ATP2B4: variants seen among roughly 807,000 people sequenced by gnomAD.
ATP2B4 encodes the protein ATPase plasma membrane Ca2+ transporting 4, also known as plasma membrane calcium-transporting ATPase 4.
In ATP2B4, 39 loss-of-function variants were observed where a neutral mutation model predicts 110.3. That is an observed-to-expected ratio of 0.35 (90% CI 0.27 to 0.46). The LOEUF (loss-of-function observed/expected upper bound fraction) is 0.46. Ranked by LOEUF, ATP2B4 falls within the 20% of genes least tolerant of loss-of-function variation. The pLI is 1.00. For synonymous variants in ATP2B4, 538 were observed against 571.7 expected, an observed-to-expected ratio of 0.94 and a Z score of 0.84; for missense variants, 1,135 against 1,530.9, an observed-to-expected ratio of 0.74 and a Z score of 4.32.
intron 1 of ATP2B4, among the ~76,000 whole-genome samples, chr1:203,681,713 G>C (rs544257607): frequency 6.6e-6 from 1 of 152,064 alleles, no homozygotes. Context: ...GCATCTTTCT[G>C]AGGGGAGAAA....
intron 8 of ATP2B4, 107 bp downstream of exon 8, chr1:203,703,920 A>G: frequency 7.1e-7 from 1 of 1,400,220 alleles, no homozygotes; most frequent in Non-Finnish European, 9.6e-7. Flanking sequence ...AGAAGCTGAA[A>G]CTTCAGGGTG....
At chr1:203,678,227 A>G (rs1300720338) in intron 1 of ATP2B4, among the ~76,000 whole-genome samples, 1 of 152,200 alleles carries the variant, frequency 6.6e-6, no homozygotes, top group Non-Finnish European at 1.5e-5. Context: ...TATACAAGGT[A>G]TCACTCTTTT....
intron 1 of ATP2B4, among the ~76,000 whole-genome samples, chr1:203,633,947 G>C (rs933565474): frequency 6.6e-6 from 1 of 152,098 alleles, no homozygotes; most frequent in Non-Finnish European, 1.5e-5. Flanking sequence ...CTACTCGGGA[G>C]GCTGAGGCAG....
chr1:203,689,313 G>A (rs934329435), intron 2 of ATP2B4, among the ~76,000 whole-genome samples: 11 of 152,218 alleles, frequency 7.2e-5, no homozygotes, highest in East Asian at 3.8e-4. Context: ...GAGGTTATAC[G>A]TGTTCTTTTT....
intron 1 of ATP2B4, among the ~76,000 whole-genome samples, chr1:203,678,655 C>T (rs1416474984): frequency 4.6e-5 from 7 of 152,154 alleles, no homozygotes; most frequent in Non-Finnish European, 1.5e-5. Context: ...TCTCCCGCCT[C>T]AGCCTTCCAA....
chr1:203,660,935 C>A (rs929938916), intron 1 of ATP2B4, among the ~76,000 whole-genome samples: 2 of 151,822 alleles, frequency 1.3e-5, no homozygotes, highest in African/African-American at 4.8e-5. Context: ...CATGGTGAAA[C>A]CCTGTCTCTA....
At chr1:203,647,518 G>C (rs1233881434) in intron 1 of ATP2B4, among the ~76,000 whole-genome samples, 1 of 152,108 alleles carries the variant, frequency 6.6e-6, no homozygotes, top group Non-Finnish European at 1.5e-5. Context: ...CCAACACTTT[G>C]GGAGGCAAAG....
In ATP2B4 at chr1:203,708,069, A is replaced by T; in HGVS notation, c.1522A>T (p.Ile508Phe). 2 of 1,614,166 alleles carry T rather than the reference A, an allele frequency of 1.2e-6. No individual in the cohort carries two copies. Among genetic ancestry groups the T allele is most frequent in the South Asian group, 2.2e-5 (2 of 91,080 alleles). Residue 508 changes from isoleucine (I) to phenylalanine (F), a missense_variant, in exon 10 of 21, where the codon ATT (isoleucine) becomes TTT (phenylalanine). Ile to Phe is a conservative substitution (Grantham distance 21). Around this residue, in one of 9 missense-constraint regions of ATP2B4, gnomAD observed 368 missense variants for 455.9 expected, o/e 0.81. Coordinates refer to ENST00000357681, the MANE Select transcript of ATP2B4 (RefSeq NM_001684.5). Reference protein sequence around the residue: ...PKVLDLIVNGISINSAYTSKI... With the variant: ...PKVLDLIVNGFSINSAYTSKI... ...AGTCCTGGACCTCATTGTCAATGGC[A>T]TTTCTATCAACAGTGCTTATACCTC...
intron 13 of ATP2B4, among the ~76,000 whole-genome samples, chr1:203,712,613 G>T (rs997807787): frequency 6.6e-5 from 10 of 151,452 alleles, no homozygotes; most frequent in Non-Finnish European, 1.5e-4. Flanking sequence ...AAAAAGAGGG[G>T]GGGAGTTGCT....
At chr1:203,731,077 A>G (rs1666694111) in intron 20 of ATP2B4, among the ~76,000 whole-genome samples, 1 of 152,182 alleles carries the variant, frequency 6.6e-6, no homozygotes, top group Non-Finnish European at 1.5e-5. Context: ...TTGTAACTCC[A>G]ATAAGCACTG....
chr1:203,688,030 T>C (rs1261519282), intron 2 of ATP2B4, among the ~76,000 whole-genome samples: 1 of 146,222 alleles, frequency 6.8e-6, no homozygotes, highest in Non-Finnish European at 1.5e-5. Context: ...TTATTATTAT[T>C]ATTATTATTT....
chr1:203,663,824 A>C (rs1664421626), intron 1 of ATP2B4, among the ~76,000 whole-genome samples: 1 of 151,984 alleles, frequency 6.6e-6, no homozygotes, highest in African/African-American at 2.4e-5. Context: ...GGCTGGTCTC[A>C]AACTCCTGGC....
At chr1:203,650,479 C>A (rs1663948920) in intron 1 of ATP2B4, among the ~76,000 whole-genome samples, 1 of 152,156 alleles carries the variant, frequency 6.6e-6, no homozygotes, top group Non-Finnish European at 1.5e-5. Flanking sequence ...GGAGTCGGCC[C>A]GCCTTATTTG....
At position 203,659,112 on chromosome 1, in the gene ATP2B4, G is replaced by A. The variant is rs978712474; in HGVS notation, c.-464-23630G>A. Among the ~76,000 whole-genome samples, 6 of 152,198 alleles carry A rather than the reference G, an allele frequency of 3.9e-5. No homozygotes were observed. The East Asian group carries it at 9.6e-4, about 24-fold the overall frequency. On this transcript the variant is annotated intron_variant, in intron 1 of 20. Coordinates refer to ENST00000357681, the MANE Select transcript of ATP2B4 (RefSeq NM_001684.5). Reference sequence around the variant, plus strand: ...GATATTGCTTATTAGAAGTCTTTATGTTAAGATTTCTAGGCTAATACTAAA... The same window carrying A: ...GATATTGCTTATTAGAAGTCTTTATATTAAGATTTCTAGGCTAATACTAAA...
chr1:203,735,494 C>T (rs1666855937), intron 20 of ATP2B4, among the ~76,000 whole-genome samples: 1 of 152,130 alleles, frequency 6.6e-6, no homozygotes, highest in African/African-American at 2.4e-5. Flanking sequence ...ACCTCACCAC[C>T]CCCCACCCCG....
At chr1:203,648,845 C>T (rs1663892680) in intron 1 of ATP2B4, among the ~76,000 whole-genome samples, 1 of 152,186 alleles carries the variant, frequency 6.6e-6, no homozygotes, top group East Asian at 1.9e-4. Flanking sequence ...GAGAGTTTTT[C>T]ATCATTACAT....
intron 1 of ATP2B4, among the ~76,000 whole-genome samples, chr1:203,652,902 T>C (rs1664041250): frequency 6.6e-6 from 1 of 152,172 alleles, no homozygotes; most frequent in South Asian, 2.1e-4. Flanking sequence ...TTAATAACCC[T>C]ACAATGGCCT....
At position 203,739,273 on chromosome 1, in the gene ATP2B4, A is replaced by G. The variant is rs375771817; in HGVS notation, c.3310-273A>G. On this transcript the variant is annotated intron_variant, in intron 20 of 20. Coordinates refer to ENST00000357681, the MANE Select transcript of ATP2B4 (RefSeq NM_001684.5). ...AAAAGTAGATTGTTTGGGAATGCTAACGTTGCTTTGGGTTTTCTACTTTTT... is the reference window on the plus strand; with the variant it reads ...AAAAGTAGATTGTTTGGGAATGCTAGCGTTGCTTTGGGTTTTCTACTTTTT... Among the ~76,000 whole-genome samples, 4 of 152,014 alleles carry G rather than the reference A, an allele frequency of 2.6e-5. No homozygotes were observed. In the East Asian group the frequency reaches 5.8e-4, roughly 22 times the overall value.
chr1:203,711,877 C>T, intron 12 of ATP2B4, 83 bp from the exon 13 acceptor site: 1 of 1,491,362 alleles, frequency 6.7e-7, no homozygotes, highest in South Asian at 1.3e-5. Context: ...CTCCTGTCTG[C>T]CACAAAGGGA....
Sources: gnomAD v4.1 joint callset for allele counts (sites outside exome capture counted in the v4.1 genomes callset) on GRCh38, gnomAD v4.1.1 for gene constraint, gnomAD v4.1.1 regional missense constraint, MANE v1.5 for transcripts, NCBI Gene and HGNC (gene_info 2026-07-23, HGNC 2026-07-21) for gene names.